Variants in PUM2 observed in about 807,000 individuals in gnomAD.
PUM2 encodes pumilio RNA binding family member 2, also known as pumilio homolog 2.
A neutral mutation model predicts 124.5 loss-of-function variants in PUM2; 57 were observed. That is an observed-to-expected ratio of 0.46 (90% CI 0.37 to 0.57). PUM2 has a LOEUF of 0.57. PUM2 is among the 20% of genes least tolerant of loss of function. The probability of loss-of-function intolerance (pLI) is 0.00; values close to 1 mark genes in which losing one functional copy is unlikely to be tolerated. For missense variants in PUM2, 1,065 were observed against 1,290.6 expected, an observed-to-expected ratio of 0.83 and a Z score of 2.68; for synonymous variants, 460 against 446.1, an observed-to-expected ratio of 1.03 and a Z score of -0.39.
intron 5 of PUM2, among the ~76,000 whole-genome samples, chr2:20,309,958 C>T (rs1679242514): frequency 6.6e-6 from 1 of 151,998 alleles, no homozygotes; most frequent in Non-Finnish European, 1.5e-5. Context: ...ACGTGAACAT[C>T]CCAAAGGCTC....
At chr2:20,348,357 A>T (rs1688653771) in intron 1 of PUM2, among the ~76,000 whole-genome samples, 1 of 152,188 alleles carries the variant, frequency 6.6e-6, no homozygotes. Flanking sequence ...AATATCTGTA[A>T]ATTTTAAGAA....
chr2:20,266,607 G>A (rs1054233289), intron 13 of PUM2, among the ~76,000 whole-genome samples: 4 of 151,984 alleles, frequency 2.6e-5, no homozygotes, highest in Non-Finnish European at 2.9e-5. Flanking sequence ...ACAAATAAGT[G>A]TGTAAAACCC....
In PUM2 at chr2:20,249,207, A is replaced by C. The variant is rs1662697234; in HGVS notation, c.*2378T>G. 1 of 152,254 alleles carries C rather than the reference A, an allele frequency of 6.6e-6. No homozygotes were observed. The highest frequency in any genetic ancestry group is 6.5e-5 in the Admixed American group (1 of 15,286). The allele number at this position is 152,254 out of a possible 1,614,324, so 9.4% of individuals were successfully genotyped here. A position where few individuals can be genotyped will look rare whatever the true frequency, so the allele number is the denominator to read the frequency against. ...ATAATGCCTGTGCCAACAGAGGGCAAGGATGAAGGAAGACTAGGAATTCAA... is the reference window on the plus strand; with the variant it reads ...ATAATGCCTGTGCCAACAGAGGGCACGGATGAAGGAAGACTAGGAATTCAA... On this transcript the variant is annotated 3_prime_UTR_variant, in exon 21 of 21. Transcript: ENST00000361078.
intron 7 of PUM2, among the ~76,000 whole-genome samples, chr2:20,301,461 G>C (rs1007499101): frequency 3.3e-5 from 5 of 152,122 alleles, no homozygotes; most frequent in Admixed American, 1.3e-4. Context: ...AACCTTTCCT[G>C]ATATGTATAC....
rs75005157 is a variant in PUM2, at chr2:20,268,182, A to G, written c.1958-4722T>C. Reference sequence around the variant, plus strand: ...CAGATTCCTGACCCTTACTTAAGACATAGATAATTACTCCTTCTGGAAAAT... The same window carrying G: ...CAGATTCCTGACCCTTACTTAAGACGTAGATAATTACTCCTTCTGGAAAAT... On this transcript the variant is annotated intron_variant, in intron 13 of 20. Transcript: ENST00000361078. 4.1e-3 allele frequency among the ~76,000 whole-genome samples: 629 copies of G among 152,368 alleles called. 1 individual carries two copies. Among genetic ancestry groups the G allele is most frequent in the Non-Finnish European group, 6.8e-3 (466 of 68,038 alleles).
intron 1 of PUM2, chr2:20,333,023 TA>T (rs1558666569): frequency 6.6e-6 from 1 of 152,230 alleles, no homozygotes; most frequent in Non-Finnish European, 1.5e-5. Context: ...TATAATCTTA[TA>T]TTTGAATTAA....
At chr2:20,263,648 TA>T (rs746093074) in intron 13 of PUM2, among the ~76,000 whole-genome samples, 188 bp from the exon 14 acceptor site, 9 of 152,266 alleles carry the variant, frequency 5.9e-5, no homozygotes, top group Non-Finnish European at 8.8e-5. Flanking sequence ...GGCTATATGA[TA>T]AAGAGACTAG....
intron 16 of PUM2, among the ~76,000 whole-genome samples, chr2:20,257,898 A>T (rs189211900): frequency 2.0e-5 from 3 of 152,320 alleles, no homozygotes; most frequent in Non-Finnish European, 4.4e-5. Context: ...GGTTCCAAAA[A>T]TTTTCTTCTT....
chr2:20,308,734 C>T (rs544641325), intron 5 of PUM2, 150 bp from the exon 6 acceptor site: 51 of 706,186 alleles, frequency 7.2e-5, no homozygotes, highest in South Asian at 5.1e-4. Context: ...ACATTTTTTT[C>T]TATTTAATAT....
At chr2:20,333,544 A>G (rs767913418) in intron 1 of PUM2, among the ~76,000 whole-genome samples, 6 of 152,062 alleles carry the variant, frequency 3.9e-5, no homozygotes, top group Admixed American at 2.0e-4. Context: ...ACAAAAACAA[A>G]AGCCAAAAAA....
chr2:20,345,994 GCAAA>G (rs2149139407), intron 1 of PUM2, among the ~76,000 whole-genome samples: 1 of 152,310 alleles, frequency 6.6e-6, no homozygotes, highest in South Asian at 2.1e-4. Flanking sequence ...GAAAGAACTG[GCAAA>G]CAATTTACCT....
intron 16 of PUM2, among the ~76,000 whole-genome samples, chr2:20,257,615 C>G (rs1194425454): frequency 6.6e-6 from 1 of 152,090 alleles, no homozygotes; most frequent in African/African-American, 2.4e-5. Flanking sequence ...TCTGGTGGAT[C>G]AGCATTTATC....
At chr2:20,296,670 TAAAC>T (rs1236503334) in intron 8 of PUM2, among the ~76,000 whole-genome samples, 1 of 118,510 alleles carries the variant, frequency 8.4e-6, no homozygotes, top group Non-Finnish European at 1.6e-5. Flanking sequence ...CTCATTCCAA[TAAAC>T]AAAATTCTAA....
intron 13 of PUM2, among the ~76,000 whole-genome samples, chr2:20,265,126 C>A (rs1379151847): frequency 1.3e-5 from 2 of 151,976 alleles, no homozygotes; most frequent in African/African-American, 4.8e-5. Flanking sequence ...GTGGCGTGCA[C>A]CTGTAATCCC....
In PUM2 at chr2:20,326,211, G is replaced by A. The variant is rs878901249; in HGVS notation, c.51+1099C>T. ...GTTGAGAATTTTACCTTATGCACTG[G>A]TCTAACAAATTTATTTTGGCAATAC... On this transcript the variant is annotated intron_variant, in intron 2 of 20. Coordinates refer to ENST00000361078, the MANE Select transcript of PUM2 (RefSeq NM_015317.5). The A allele has an allele frequency of 7.1e-6, 9 of 1,264,540 alleles. No homozygotes were observed. In the South Asian group the frequency reaches 1.0e-4, roughly 14 times the overall value. 78.3% of individuals were successfully genotyped at this position (1,264,540 alleles called of 1,614,324 possible).
At position 20,250,773 on chromosome 2, in the gene PUM2, CTT is replaced by C. The variant is rs1474079855; in HGVS notation, c.*810_*811del. ...GCAAAACAAAATACAAATTTCCACT[CTT>C]TCTCATTGCAAACCAAACTGAAAAG... On this transcript the variant is annotated 3_prime_UTR_variant, in exon 21 of 21. Transcript: ENST00000361078. The C allele has an allele frequency of 2.6e-5, 4 of 152,572 alleles. No homozygotes were observed. The highest frequency in any genetic ancestry group is 4.8e-5 in the African/African-American group (2 of 41,446). The allele number at this position is 152,572 out of a possible 1,614,324, so 9.5% of individuals were successfully genotyped here.
chr2:20,296,494 C>CAA (rs201882701), intron 8 of PUM2, among the ~76,000 whole-genome samples: 1 of 129,406 alleles, frequency 7.7e-6, no homozygotes, highest in Non-Finnish European at 1.7e-5. Flanking sequence ...GACTCTGTCT[C>CAA]AAAAAAAAAA....
intron 19 of PUM2, 121 bp downstream of exon 19, chr2:20,254,742 A>T: frequency 9.1e-7 from 1 of 1,103,970 alleles, no homozygotes; most frequent in Non-Finnish European, 1.3e-6. Context: ...GGTGCATTTT[A>T]ATGATACCAA....
intron 1 of PUM2, among the ~76,000 whole-genome samples, chr2:20,340,863 G>C (rs764332891): frequency 6.6e-6 from 1 of 152,178 alleles, no homozygotes; most frequent in Non-Finnish European, 1.5e-5. Flanking sequence ...AAATGAACTC[G>C]ATCTCATTTG....
Sources: allele counts gnomAD v4.1 joint callset (sites outside exome capture counted in the v4.1 genomes callset), GRCh38; gene constraint gnomAD v4.1.1; transcripts MANE v1.5; gene names NCBI Gene and HGNC (gene_info 2026-07-23, HGNC 2026-07-21).